ZW10: variants seen among roughly 807,000 people sequenced by gnomAD.
ZW10 encodes centromere/kinetochore protein zw10 homolog.
ZW10 carries 53 observed loss-of-function variants against 87.8 expected under a neutral mutation model. The ratio of observed to expected loss-of-function variants is 0.60; its 90% CI spans 0.48 to 0.76. The LOEUF (loss-of-function observed/expected upper bound fraction) is 0.76. ZW10 is among the 30% of genes least tolerant of loss of function. The probability of loss-of-function intolerance (pLI) is 0.00; values close to 1 mark genes in which losing one functional copy is unlikely to be tolerated. For synonymous variants in ZW10, 312 were observed against 329.2 expected (o/e 0.95, Z 0.57); for missense variants, 837 against 923.0 (o/e 0.91, Z 1.21).
intron 2 of ZW10, among the ~76,000 whole-genome samples, chr11:113,761,512 C>T (rs1325496539): frequency 1.3e-5 from 2 of 152,114 alleles, no homozygotes; most frequent in African/African-American, 4.8e-5. Context: ...AACTCCTGGA[C>T]TCAAGCGATC....
chr11:113,752,614 A>G (rs1418207463), intron 7 of ZW10, among the ~76,000 whole-genome samples: 1 of 152,176 alleles, frequency 6.6e-6, no homozygotes, highest in East Asian at 1.9e-4. Context: ...TACCATTGCA[A>G]TTGTTTTGAG....
intron 2 of ZW10, among the ~76,000 whole-genome samples, chr11:113,765,523 C>G (rs1364712351): frequency 6.6e-6 from 1 of 152,132 alleles, no homozygotes; most frequent in African/African-American, 2.4e-5. Flanking sequence ...AACCTGGATA[C>G]CAAAAGAGAC....
Position 113,748,349 on chromosome 11 carries a change from T to A in ZW10, c.997A>T (p.Met333Leu), listed in dbSNP as rs1233732160. Residue 333 changes from methionine to leucine, a missense_variant, in exon 8 of 16, where the codon ATG (methionine) becomes TTG (leucine). Met to Leu is a conservative substitution (Grantham distance 15). Transcript: ENST00000200135. The part of the protein sequence containing the change: ...TVPLAEMLGD[M>L]IWEDLSECLI... ...CACTCAGACAAGTCCTCCCAGATCATGTCTCCAAGCATCTCAGCCAATGGG... is the reference window on the plus strand; with the variant it reads ...CACTCAGACAAGTCCTCCCAGATCAAGTCTCCAAGCATCTCAGCCAATGGG... The A allele has an allele frequency of 6.2e-7, 1 of 1,613,780 alleles. No individual in the cohort carries two copies. The highest frequency in any genetic ancestry group is 8.5e-7 in the Non-Finnish European group (1 of 1,179,898).
Position 113,760,544 on chromosome 11 carries a change from T to C in ZW10, c.389A>G (p.Lys130Arg). ...EEYNCALTEKKYVTGAQRLEE... is the reference protein window; with the variant it reads ...EEYNCALTEKRYVTGAQRLEE... ...CAGACGCTGAGCACCAGTGACATACTTCTTCTCTGTTAATGCACAATTATA... is the reference window on the plus strand; with the variant it reads ...CAGACGCTGAGCACCAGTGACATACCTCTTCTCTGTTAATGCACAATTATA... Residue 130 changes from lysine to arginine, a missense_variant, in exon 4 of 16, where the codon AAG becomes AGG. Lys to Arg is a conservative substitution (Grantham distance 26). Coordinates refer to ENST00000200135, the MANE Select transcript of ZW10 (RefSeq NM_004724.4). The C allele has an allele frequency of 6.2e-7, 1 of 1,613,948 alleles. No homozygotes were observed. Among genetic ancestry groups the C allele is most frequent in the Non-Finnish European group, 8.5e-7 (1 of 1,179,934 alleles).
intron 1 of ZW10, among the ~76,000 whole-genome samples, chr11:113,773,318 C>G (rs1260319692): frequency 6.6e-6 from 1 of 152,020 alleles, no homozygotes; most frequent in Non-Finnish European, 1.5e-5. Flanking sequence ...TCCCCACAGT[C>G]CCAGGTCTCC....
intron 7 of ZW10, among the ~76,000 whole-genome samples, chr11:113,753,522 C>T (rs2134882472): frequency 6.6e-6 from 1 of 152,304 alleles, no homozygotes; most frequent in African/African-American, 2.4e-5. Context: ...TCTCTCACCT[C>T]AGCCTCCTGA....
chr11:113,740,493 A>C (rs1953603491), intron 11 of ZW10, among the ~76,000 whole-genome samples: 1 of 152,150 alleles, frequency 6.6e-6, no homozygotes, highest in Non-Finnish European at 1.5e-5. Flanking sequence ...CTAAGATGGG[A>C]AGATCACCTG....
chr11:113,749,809 T>TG (rs1342912718), intron 7 of ZW10, among the ~76,000 whole-genome samples: 1 of 152,258 alleles, frequency 6.6e-6, no homozygotes, highest in Non-Finnish European at 1.5e-5. Context: ...CACATATTAC[T>TG]GTTGTATTGT....
intron 7 of ZW10, among the ~76,000 whole-genome samples, chr11:113,749,101 G>T (rs539138828): frequency 6.6e-6 from 1 of 152,236 alleles, no homozygotes; most frequent in African/African-American, 2.4e-5. Context: ...AGCCATTCAG[G>T]AGGCTGAGGT....
intron 2 of ZW10, among the ~76,000 whole-genome samples, chr11:113,765,943 A>G (rs1953903443): frequency 6.6e-6 from 1 of 152,212 alleles, no homozygotes; most frequent in African/African-American, 2.4e-5. Context: ...CTATTAATAT[A>G]AAGCAATCTA....
At chr11:113,760,997 C>A (rs532496778) in intron 2 of ZW10, 79 bp from the exon 3 acceptor site, 3 of 1,039,704 alleles carry the variant, frequency 2.9e-6, no homozygotes, top group Non-Finnish European at 4.3e-6. Flanking sequence ...AATCAATAAG[C>A]TTTACTAGGT....
rs1953621011 is a variant in ZW10, at chr11:113,741,707, G to A, written c.1570C>T (p.Pro524Ser). Reference protein sequence around the residue: ...NIFHLFHDVVPTYHKENLQKL... With the variant: ...NIFHLFHDVVSTYHKENLQKL... ...AGTGGTACTTACTTGTGATATGTTG[G>A]TACAACATCATGGAACAAATGGAAG... The change falls in exon 11 of 16, where the codon CCA (proline) becomes TCA (serine). Residue 524 changes from proline to serine, a missense_variant. By Grantham distance (74) the Pro-to-Ser change is moderately conservative (BLOSUM62 -1). Transcript: ENST00000200135. 1.9e-6 allele frequency: 3 copies of A among 1,603,420 alleles called. 1 individual carries two copies. The highest frequency in any genetic ancestry group is 2.2e-5 in the South Asian group (2 of 89,322).
intron 2 of ZW10, among the ~76,000 whole-genome samples, chr11:113,766,698 A>AAAAAAT (rs1226578405): frequency 2.5e-3 from 294 of 119,268 alleles, no homozygotes; most frequent in African/African-American, 3.4e-3. Flanking sequence ...AAAAAAAAAA[A>AAAAAAT]TTAATTTTTA....
intron 9 of ZW10, among the ~76,000 whole-genome samples, chr11:113,745,444 T>C (rs933212688): frequency 2.6e-5 from 4 of 152,208 alleles, no homozygotes; most frequent in Non-Finnish European, 5.9e-5. Flanking sequence ...TTTAAGTCAG[T>C]GGACTTGGCT....
chr11:113,768,840 T>C lies in ZW10; in HGVS notation c.233A>G (p.Glu78Gly). 6.2e-7 allele frequency: 1 copy of C among 1,614,076 alleles called. No individual in the cohort carries two copies. Among genetic ancestry groups the C allele is most frequent in the Non-Finnish European group, 8.5e-7 (1 of 1,180,004 alleles). ...ATAACAAATTATCCTTACCTCACTC[T>C]CTATCCTGGATTTCAGCAGGTCAAT... is the stretch of plus-strand genomic sequence containing the variant. The part of the protein sequence containing the change: ...EDIDLLKSRI[E>G]SEVRRDLHVS... Residue 78 changes from glutamate to glycine, a missense_variant, in exon 2 of 16, where the codon GAG becomes GGG. Coordinates refer to ENST00000200135, the MANE Select transcript of ZW10 (RefSeq NM_004724.4).
intron 7 of ZW10, among the ~76,000 whole-genome samples, chr11:113,756,268 C>T (rs1953784057): frequency 6.6e-6 from 1 of 152,094 alleles, no homozygotes; most frequent in Non-Finnish European, 1.5e-5. Flanking sequence ...TCAGGAAAAA[C>T]CAAACCTGCC....
At position 113,739,196 on chromosome 11, in the gene ZW10, T is replaced by C. The variant is rs778777548; in HGVS notation, c.1753+17A>G. The C allele has an allele frequency of 2.5e-6, 4 of 1,612,980 alleles. No individual in the cohort carries two copies. In the Admixed American group the frequency reaches 5.0e-5, roughly 20 times the overall value. ...TGCATAATCCATATGCTTTCCTACA[T>C]TGAAAGTATCAGTTACCAAGTCTCC... On this transcript the variant is annotated intron_variant, in intron 12 of 15. Transcript: ENST00000200135.
chr11:113,738,205 CA>C (rs1005082811), intron 13 of ZW10, 58 bp downstream of exon 13: 614 of 1,460,154 alleles, frequency 4.2e-4, no homozygotes, highest in South Asian at 1.3e-3. Flanking sequence ...AAAAAGCAAA[CA>C]AAAAAAAAGG....
At chr11:113,748,462 C>T (rs372624111) in intron 7 of ZW10, 42 bp from the exon 8 acceptor site, 55 of 1,518,638 alleles carry the variant, frequency 3.6e-5, no homozygotes, top group South Asian at 5.2e-5. Context: ...AGAAACCATT[C>T]GCAGTCCTGG....
Sources: allele counts gnomAD v4.1 joint callset (sites outside exome capture counted in the v4.1 genomes callset), GRCh38; gene constraint gnomAD v4.1.1; transcripts MANE v1.5; gene names NCBI Gene and HGNC (gene_info 2026-07-23, HGNC 2026-07-21).